Variants in PCDH7 observed in about 807,000 individuals in gnomAD.
PCDH7 encodes protocadherin-7.
PCDH7 carries 17 observed loss-of-function variants against 58.9 expected under a neutral mutation model. The observed-to-expected ratio is 0.29, with a 90% CI of 0.20 to 0.43. The LOEUF (loss-of-function observed/expected upper bound fraction) is 0.43. Ranked by LOEUF, PCDH7 falls within the 20% of genes least tolerant of loss-of-function variation. PCDH7 has a pLI of 1.00. For missense variants in PCDH7, 1,274 were observed against 1,441.0 expected (o/e 0.88, Z 1.88); for synonymous variants, 664 against 616.4 (o/e 1.08, Z -1.14).
chr4:30,941,667 G>T (rs1178080899), intron 2 of PCDH7, among the ~76,000 whole-genome samples: 1 of 151,812 alleles, frequency 6.6e-6, no homozygotes, highest in Non-Finnish European at 1.5e-5. Context: ...TGTTTAAAGT[G>T]GAAATATAGA....
intron 1 of PCDH7, among the ~76,000 whole-genome samples, chr4:30,781,268 G>A (rs1208471745): frequency 6.7e-6 from 1 of 150,274 alleles, no homozygotes; most frequent in Non-Finnish European, 1.5e-5. Flanking sequence ...AGCCTTCCGA[G>A]TAGCTGGGAC....
intron 3 of PCDH7, among the ~76,000 whole-genome samples, chr4:31,136,261 AGCTG>A (rs1719589254): frequency 1.3e-5 from 2 of 152,200 alleles, no homozygotes; most frequent in Admixed American, 1.3e-4. Context: ...CCATATTACG[AGCTG>A]TATAGACATT....
chr4:30,734,083 C>CA (rs1441247932), downstream of PCDH7, among the ~76,000 whole-genome samples: 1 of 151,768 alleles, frequency 6.6e-6, no homozygotes, highest in African/African-American at 2.4e-5. Context: ...AAAAAACACA[C>CA]AAAAAACCTA....
chr4:30,938,925 A>G (rs960080666), intron 2 of PCDH7, among the ~76,000 whole-genome samples: 7 of 152,284 alleles, frequency 4.6e-5, no homozygotes, highest in African/African-American at 1.7e-4. Flanking sequence ...CCTCCAGAGC[A>G]AAGTGTGTCC....
intron 2 of PCDH7, among the ~76,000 whole-genome samples, chr4:30,948,890 G>A (rs550467622): frequency 2.6e-5 from 4 of 152,144 alleles, no homozygotes; most frequent in Non-Finnish European, 5.9e-5. Context: ...GGGAAATTTG[G>A]AGACACCCTG....
chr4:30,727,429 A>G (rs1714764745), intron 1 of PCDH7, among the ~76,000 whole-genome samples: 2 of 151,950 alleles, frequency 1.3e-5, no homozygotes, highest in African/African-American at 2.4e-5. Flanking sequence ...TCAAGCTTCT[A>G]TGGCAGACTC....
intron 3 of PCDH7, among the ~76,000 whole-genome samples, chr4:31,058,709 C>T (rs967867044): frequency 6.6e-6 from 1 of 151,948 alleles, no homozygotes; most frequent in African/African-American, 2.4e-5. Context: ...GGCAGTCTTT[C>T]ACACCAACTG....
chr4:30,769,887 A>G (rs773114792), intron 1 of PCDH7, among the ~76,000 whole-genome samples: 6 of 152,230 alleles, frequency 3.9e-5, no homozygotes, highest in Admixed American at 1.3e-4. Context: ...AAGGTGTGAT[A>G]CTTTTAGTCC....
At chr4:30,965,120 C>T (rs544931286) in intron 3 of PCDH7, among the ~76,000 whole-genome samples, 6 of 152,226 alleles carry the variant, frequency 3.9e-5, no homozygotes, top group South Asian at 4.1e-4. Flanking sequence ...TATTCTAATA[C>T]GATTTGCAAT....
intron 3 of PCDH7, among the ~76,000 whole-genome samples, chr4:30,989,783 G>T (rs1402965685): frequency 6.6e-6 from 1 of 152,096 alleles, no homozygotes; most frequent in African/African-American, 2.4e-5. Flanking sequence ...CTGATTATCT[G>T]ACACCCTTCC....
chr4:30,965,196 A>C (rs1748891292), intron 3 of PCDH7, among the ~76,000 whole-genome samples: 1 of 152,148 alleles, frequency 6.6e-6, no homozygotes, highest in South Asian at 2.1e-4. Context: ...TCATACATTA[A>C]TTTATAAAGA....
At chr4:30,800,584 A>G (rs1386242914) in intron 1 of PCDH7, among the ~76,000 whole-genome samples, 1 of 152,216 alleles carries the variant, frequency 6.6e-6, no homozygotes, top group African/African-American at 2.4e-5. Flanking sequence ...AGCAAGACAG[A>G]GATAGACAGG....
intron 3 of PCDH7, among the ~76,000 whole-genome samples, chr4:31,086,535 T>C (rs1177854131): frequency 6.6e-6 from 1 of 152,180 alleles, no homozygotes; most frequent in Non-Finnish European, 1.5e-5. Context: ...TTTTGCCTTA[T>C]ATAAGATTTG....
intron 1 of PCDH7, among the ~76,000 whole-genome samples, chr4:30,815,355 G>A (rs1182799383): frequency 6.6e-6 from 1 of 152,000 alleles, no homozygotes; most frequent in Non-Finnish European, 1.5e-5. Flanking sequence ...GCAAGAATGA[G>A]CATTTATTAA....
intron 1 of PCDH7, among the ~76,000 whole-genome samples, chr4:30,806,800 A>G (rs556409989): frequency 6.6e-5 from 10 of 152,098 alleles, no homozygotes; most frequent in Non-Finnish European, 1.2e-4. Flanking sequence ...AAGGTCTTCA[A>G]TCTTCAGTCC....
chr4:30,886,184 C>T (rs1258818819), intron 1 of PCDH7, among the ~76,000 whole-genome samples: 3 of 149,530 alleles, frequency 2.0e-5, no homozygotes, highest in African/African-American at 7.4e-5. Context: ...AGTGAACAGG[C>T]AACCTACAAA....
intron 3 of PCDH7, among the ~76,000 whole-genome samples, chr4:31,123,444 T>G (rs990811786): frequency 6.6e-6 from 1 of 152,156 alleles, no homozygotes; most frequent in African/African-American, 2.4e-5. Context: ...CAGCTGCCAC[T>G]GTGCTCAAAC....
intron 3 of PCDH7, among the ~76,000 whole-genome samples, chr4:31,067,851 A>T (rs1758220208): frequency 6.6e-6 from 1 of 151,984 alleles, no homozygotes. Context: ...GTTGCTGGAG[A>T]TAAATGATAT....
rs369418971 is a variant in PCDH7, at chr4:30,924,649, G to A, written c.287+4280G>A. On this transcript the variant is annotated intron_variant, in intron 2 of 3. Coordinates refer to the PCDH7 transcript ENST00000509759. Reference sequence around the variant, plus strand: ...CCATAGTAGGCCAGTGTGGGAGACAGCTGTGGAGCCTCCTTCAGATCCCAC... The same window carrying A: ...CCATAGTAGGCCAGTGTGGGAGACAACTGTGGAGCCTCCTTCAGATCCCAC... 9.3e-4 allele frequency among the ~76,000 whole-genome samples: 142 copies of A among 152,240 alleles called. 1 individual carries two copies. Among genetic ancestry groups the A allele is most frequent in the African/African-American group, 3.3e-3 (137 of 41,544 alleles).
Sources: allele counts gnomAD v4.1 joint callset (sites outside exome capture counted in the v4.1 genomes callset), GRCh38; gene constraint gnomAD v4.1.1; transcripts MANE v1.5; gene names NCBI Gene and HGNC (gene_info 2026-07-23, HGNC 2026-07-21).